Variants in NACC2 observed in about 807,000 individuals in gnomAD.
The protein encoded by NACC2 is nucleus accumbens-associated protein 2.
Under a neutral mutation model 25.1 loss-of-function variants are expected in NACC2, and 8 were observed. That is an observed-to-expected ratio of 0.32 (90% CI 0.19 to 0.57). NACC2 has a LOEUF of 0.57. Ranked by LOEUF, NACC2 falls within the 20% of genes least tolerant of loss-of-function variation. The probability of loss-of-function intolerance (pLI) is 0.89; values close to 1 mark genes in which losing one functional copy is unlikely to be tolerated. For missense variants in NACC2, 644 were observed against 650.2 expected (o/e 0.99, Z 0.10); for synonymous variants, 435 against 294.7 (o/e 1.48, Z -4.88).
intron 1 of NACC2, among the ~76,000 whole-genome samples, chr9:136,056,010 C>A (rs765300133): frequency 6.6e-6 from 1 of 152,196 alleles, no homozygotes; most frequent in African/African-American, 2.4e-5. Flanking sequence ...CCCACCTCCG[C>A]GCAACGCCTT....
chr9:136,091,743 C>A (rs1357066767), intron 1 of NACC2, among the ~76,000 whole-genome samples: 1 of 152,102 alleles, frequency 6.6e-6, no homozygotes, highest in Admixed American at 6.5e-5. Context: ...GCAGGTGACA[C>A]AGTAAGGAGC....
At chr9:136,093,573 A>G (rs961641719) in intron 1 of NACC2, among the ~76,000 whole-genome samples, 1 of 152,178 alleles carries the variant, frequency 6.6e-6, no homozygotes, top group African/African-American at 2.4e-5. Context: ...GTGACAAGTG[A>G]TATCTTGTTC....
At position 136,049,976 on chromosome 9, in the gene NACC2, C is replaced by G; in HGVS notation, c.546G>C (p.Pro182=). 1.6e-6 allele frequency: 1 copy of G among 636,528 alleles called. No homozygotes were observed. The highest frequency in any genetic ancestry group is 1.8e-5 in the South Asian group (1 of 54,850). 39.4% of individuals were successfully genotyped at this position (636,528 alleles called of 1,614,324 possible). A position where few individuals can be genotyped will look rare whatever the true frequency, so the allele number is the denominator to read the frequency against. ...GCTTGGGGGCCAGGCCTGGGCCGGC[C>G]GGCGGCAGCTCCATGGCTTCATGCT... The part of the protein sequence containing the change: ...RVKHEAMELP[P]AGPGLAPKRP... The change falls in exon 2 of 6, where the codon CCG becomes CCC. Residue 182 remains proline (P), a synonymous_variant. Coordinates refer to ENST00000277554, the MANE Select transcript of NACC2 (RefSeq NM_144653.5).
intron 1 of NACC2, among the ~76,000 whole-genome samples, chr9:136,092,450 G>A (rs933023760): frequency 2.0e-5 from 3 of 152,176 alleles, no homozygotes; most frequent in Admixed American, 6.5e-5. Flanking sequence ...GCGTCCAGAC[G>A]GGCTAGCGCT....
At chr9:136,090,367 C>T (rs1445309782) in intron 1 of NACC2, among the ~76,000 whole-genome samples, 1 of 151,784 alleles carries the variant, frequency 6.6e-6, no homozygotes, top group African/African-American at 2.4e-5. Flanking sequence ...GGAAGGCCCA[C>T]AGCTGCCCCC....
intron 1 of NACC2, among the ~76,000 whole-genome samples, chr9:136,050,913 G>A (rs929195640): frequency 6.6e-6 from 1 of 152,126 alleles, no homozygotes; most frequent in Non-Finnish European, 1.5e-5. Flanking sequence ...CCTGCCCCGG[G>A]ACAGGAGGTG....
intron 2 of NACC2, among the ~76,000 whole-genome samples, chr9:136,045,225 C>A (rs553821490): frequency 6.6e-6 from 1 of 151,984 alleles, no homozygotes; most frequent in Non-Finnish European, 1.5e-5. Context: ...CAGGGGACAC[C>A]GGGTGGACCC....
At chr9:136,069,152 C>T (rs146692835) in intron 1 of NACC2, among the ~76,000 whole-genome samples, 1,814 of 151,646 alleles carry the variant, frequency 0.012, 90 homozygotes, top group African/African-American at 0.041. Flanking sequence ...GTGATCTGCC[C>T]GCCTCGGCCT....
rs931909364 is a variant in NACC2, at chr9:136,020,515, G to A, written c.887-4086C>T. ...GGCGGCAGTGGCGAGTGGTAGGGCC[G>A]CCTGGTGGAGCCCAGCAGAGCCTCG... On this transcript the variant is annotated intron_variant, in intron 2 of 5. Coordinates refer to ENST00000277554, the MANE Select transcript of NACC2 (RefSeq NM_144653.5). The surrounding 1 kb of genome is among the most constrained non-coding windows in gnomAD (Gnocchi z 4.7). Among the ~76,000 whole-genome samples, 2 of 152,220 alleles carry A rather than the reference G, an allele frequency of 1.3e-5. No homozygotes were observed. Among genetic ancestry groups the A allele is most frequent in the South Asian group, 2.1e-4 (1 of 4,834 alleles).
intron 1 of NACC2, among the ~76,000 whole-genome samples, chr9:136,059,073 G>C (rs1320513549): frequency 2.6e-5 from 4 of 152,314 alleles, no homozygotes; most frequent in Middle Eastern, 3.4e-3. Context: ...GCGTGATCTG[G>C]AACCCACATC....
rs1303315624 is a variant in NACC2, at chr9:136,080,633, C to T, written c.-60+14556G>A. On this transcript the variant is annotated intron_variant, in intron 1 of 5. Transcript: ENST00000277554. ...TGCCAGCACACCATCCCCCACCCCACAGACCGCACAGAATCAGCCCAGGAA... is the reference window on the plus strand; with the variant it reads ...TGCCAGCACACCATCCCCCACCCCATAGACCGCACAGAATCAGCCCAGGAA... 2.0e-5 allele frequency among the ~76,000 whole-genome samples: 3 copies of T among 151,874 alleles called. No homozygotes were observed. In the East Asian group the frequency reaches 5.8e-4, roughly 29 times the overall value.
rs761711564 is a variant in NACC2, at chr9:136,018,530, A to AC, written c.887-2102dup. On this transcript the variant is annotated intron_variant, in intron 2 of 5. Transcript: ENST00000277554. The surrounding 1 kb of genome is among the most constrained non-coding windows in gnomAD (Gnocchi z 4.4). ...TCACCCTGACACTCCCTCCCCAGGG[A>AC]CCCACTGGCCCAGGATGAGCGTGGT... Among the ~76,000 whole-genome samples the AC allele has an allele frequency of 6.6e-6, 1 of 151,950 alleles. No individual in the cohort carries two copies. Among genetic ancestry groups the AC allele is most frequent in the Non-Finnish European group, 1.5e-5 (1 of 67,958 alleles).
intron 1 of NACC2, among the ~76,000 whole-genome samples, chr9:136,082,289 C>T (rs2131186645): frequency 6.6e-6 from 1 of 152,360 alleles, no homozygotes; most frequent in African/African-American, 2.4e-5. Flanking sequence ...AGGTCCCACA[C>T]AGGCTTGGGA....
At chr9:136,077,684 G>A (rs1830277778) in intron 1 of NACC2, among the ~76,000 whole-genome samples, 2 of 152,222 alleles carry the variant, frequency 1.3e-5, no homozygotes. Flanking sequence ...GCAGGGGGCA[G>A]CTGTGTGGTC....
intron 2 of NACC2, among the ~76,000 whole-genome samples, chr9:136,032,593 T>C (rs186594020): frequency 2.0e-5 from 3 of 152,272 alleles, no homozygotes; most frequent in Admixed American, 1.3e-4. Context: ...TATGAGCAGA[T>C]GACATGTCTG....
At chr9:136,026,976 C>A (rs1402023306) in intron 2 of NACC2, among the ~76,000 whole-genome samples, 1 of 152,214 alleles carries the variant, frequency 6.6e-6, no homozygotes, top group African/African-American at 2.4e-5. Flanking sequence ...TGCCTGTAAT[C>A]CCAGCACTCT....
At chr9:136,074,440 A>C (rs1296836214) in intron 1 of NACC2, among the ~76,000 whole-genome samples, 1 of 105,188 alleles carries the variant, frequency 9.5e-6, no homozygotes, top group African/African-American at 3.2e-5. Flanking sequence ...GCGACAGAGC[A>C]AGACTCCGTC....
intron 1 of NACC2, among the ~76,000 whole-genome samples, chr9:136,092,441 C>T (rs1830442727): frequency 6.6e-6 from 1 of 152,216 alleles, no homozygotes; most frequent in Admixed American, 6.5e-5. Flanking sequence ...TCAGGTCCAG[C>T]GTCCAGACGG....
chr9:136,036,336 A>C (rs1218832586), intron 2 of NACC2, among the ~76,000 whole-genome samples: 1 of 152,226 alleles, frequency 6.6e-6, no homozygotes, highest in Non-Finnish European at 1.5e-5. Context: ...TAACAATTAC[A>C]ATGTCCAGCA....
Sources: allele counts gnomAD v4.1 joint callset (sites outside exome capture counted in the v4.1 genomes callset), GRCh38; gene constraint gnomAD v4.1.1; non-coding constraint Gnocchi (gnomAD v3.1); transcripts MANE v1.5; gene names NCBI Gene and HGNC (gene_info 2026-07-23, HGNC 2026-07-21).